The following ZBTB20 variants were observed in gnomAD, a reference collection of about 807,000 sequenced individuals.
ZBTB20 encodes the protein zinc finger and BTB domain-containing protein 20.
ZBTB20 carries 9 observed loss-of-function variants against 56.9 expected under a neutral mutation model. The observed-to-expected ratio is 0.16, with a 90% CI of 0.10 to 0.28. ZBTB20 has a LOEUF of 0.28. ZBTB20 is among the 10% of genes least tolerant of loss of function. ZBTB20 has a pLI of 1.00. For synonymous variants in ZBTB20, 417 were observed against 420.7 expected (o/e 0.99, Z 0.11); for missense variants, 655 against 1,003.0 (o/e 0.65, Z 4.69).
chr3:114,778,604 T>C (rs1354835192), intron 5 of ZBTB20, among the ~76,000 whole-genome samples: 1 of 152,044 alleles, frequency 6.6e-6, no homozygotes, highest in African/African-American at 2.4e-5. Flanking sequence ...AGACTACAGA[T>C]ACAGATAAAG....
chr3:115,143,987 T>C (rs1237494702), intron 1 of ZBTB20, among the ~76,000 whole-genome samples: 2 of 152,202 alleles, frequency 1.3e-5, no homozygotes, highest in African/African-American at 2.4e-5. Context: ...AAAGTGTGTG[T>C]GACATTAGAA....
intron 2 of ZBTB20, among the ~76,000 whole-genome samples, chr3:115,060,146 A>G (rs1022120177): frequency 6.6e-6 from 1 of 152,124 alleles, no homozygotes; most frequent in Non-Finnish European, 1.5e-5. Flanking sequence ...TTTAACACCC[A>G]TCTTCTTGAT....
intron 7 of ZBTB20, among the ~76,000 whole-genome samples, chr3:114,400,311 T>G: frequency 6.6e-6 from 1 of 152,216 alleles, no homozygotes. Flanking sequence ...AAAATGGTAT[T>G]GACAATAATG....
chr3:114,739,931 T>C (rs146239999), intron 5 of ZBTB20, among the ~76,000 whole-genome samples: 1 of 152,322 alleles, frequency 6.6e-6, no homozygotes, highest in Non-Finnish European at 1.5e-5. Flanking sequence ...TATGTACACA[T>C]GGTGTTTATC....
chr3:114,488,316 C>T (rs1271067886), intron 7 of ZBTB20, among the ~76,000 whole-genome samples: 1 of 152,178 alleles, frequency 6.6e-6, no homozygotes, highest in African/African-American at 2.4e-5. Flanking sequence ...TTAGACGGCT[C>T]ATTTGTCTTT....
chr3:114,987,223 T>C (rs1370133646), intron 2 of ZBTB20, among the ~76,000 whole-genome samples: 3 of 152,138 alleles, frequency 2.0e-5, no homozygotes, highest in African/African-American at 7.2e-5. Flanking sequence ...CCAGTAAAAG[T>C]AAACCTTGAG....
chr3:114,935,121 G>T (rs1024693972), intron 3 of ZBTB20, among the ~76,000 whole-genome samples: 10 of 152,150 alleles, frequency 6.6e-5, no homozygotes, highest in African/African-American at 2.4e-4. Context: ...CCTAGTCCTA[G>T]AATTTGTTCT....
chr3:114,754,706 T>C (rs141543846), intron 5 of ZBTB20, among the ~76,000 whole-genome samples: 36 of 152,290 alleles, frequency 2.4e-4, no homozygotes, highest in East Asian at 2.3e-3. Context: ...ACTTTGTATA[T>C]AGTAGTTCTT....
At chr3:114,354,563 G>GTT (rs59539017) in intron 10 of ZBTB20, among the ~76,000 whole-genome samples, 118 of 130,088 alleles carry the variant, frequency 9.1e-4, no homozygotes, top group Non-Finnish European at 1.1e-3. Flanking sequence ...TTCTGAACAG[G>GTT]TTTTTTTTTG....
Position 114,324,077 on chromosome 3 carries a change from C to T in ZBTB20, c.*14928G>A, listed in dbSNP as rs1203982450. ...CTTATGTGAGTCATCTCTTTTGTTG[C>T]TCCTGTTTGTTTCAGCTCAAAGTAG... On this transcript the variant is annotated 3_prime_UTR_variant, in exon 12 of 12. Transcript: ENST00000675478. The T allele has an allele frequency of 1.3e-5, 2 of 152,160 alleles. No individual in the cohort carries two copies. The highest frequency in any genetic ancestry group is 2.9e-5 in the Non-Finnish European group (2 of 68,036). The allele number at this position is 152,160 out of a possible 1,614,324, so 9.4% of individuals were successfully genotyped here. A position where few individuals can be genotyped will look rare whatever the true frequency, so the allele number is the denominator to read the frequency against.
At chr3:114,571,564 A>G (rs1201603052) in intron 6 of ZBTB20, among the ~76,000 whole-genome samples, 2 of 152,116 alleles carry the variant, frequency 1.3e-5, no homozygotes, top group Non-Finnish European at 2.9e-5. Context: ...ACAGAGTGGA[A>G]GCAGCAAGGC....
intron 6 of ZBTB20, among the ~76,000 whole-genome samples, chr3:114,673,801 T>C (rs1005625922): frequency 1.3e-4 from 20 of 152,184 alleles, no homozygotes; most frequent in African/African-American, 4.8e-4. Flanking sequence ...ACTATGCTTT[T>C]GCTTAGTTGA....
At chr3:114,718,334 A>G (rs1335419520) in intron 5 of ZBTB20, among the ~76,000 whole-genome samples, 1 of 152,154 alleles carries the variant, frequency 6.6e-6, no homozygotes, top group Non-Finnish European at 1.5e-5. Flanking sequence ...CCCTACCCAC[A>G]GCAAAAGCAT....
chr3:115,084,118 G>T (rs902446615), intron 1 of ZBTB20, among the ~76,000 whole-genome samples: 13 of 151,584 alleles, frequency 8.6e-5, no homozygotes, highest in Non-Finnish European at 1.3e-4. Context: ...ATGAGCAAGA[G>T]TTATTTCAAG....
intron 2 of ZBTB20, among the ~76,000 whole-genome samples, chr3:114,991,993 T>C (rs914493331): frequency 3.9e-5 from 6 of 152,196 alleles, no homozygotes; most frequent in East Asian, 3.9e-4. Context: ...TGAGCCTATG[T>C]GTCTATGCAC....
At chr3:114,521,996 C>T (rs548631580) in intron 6 of ZBTB20, among the ~76,000 whole-genome samples, 5 of 152,010 alleles carry the variant, frequency 3.3e-5, no homozygotes, top group Non-Finnish European at 5.9e-5. Flanking sequence ...GTACTAGGCA[C>T]TGAGGATTTC....
intron 5 of ZBTB20, among the ~76,000 whole-genome samples, chr3:114,763,183 G>A (rs1191395353): frequency 6.6e-6 from 1 of 152,048 alleles, no homozygotes; most frequent in Non-Finnish European, 1.5e-5. Context: ...AATATAATGG[G>A]CTGTATATTT....
intron 11 of ZBTB20, among the ~76,000 whole-genome samples, chr3:114,348,954 C>T (rs549418368): frequency 2.0e-5 from 3 of 152,040 alleles, no homozygotes; most frequent in Admixed American, 2.0e-4. Context: ...AATCTCATAA[C>T]TTTGGGAGGC....
intron 6 of ZBTB20, among the ~76,000 whole-genome samples, chr3:114,642,383 T>G (rs1422728750): frequency 6.6e-6 from 1 of 152,090 alleles, no homozygotes; most frequent in Non-Finnish European, 1.5e-5. Flanking sequence ...TACTTTGATG[T>G]TCTAGAATAT....
Sources: gnomAD v4.1 joint callset for allele counts (sites outside exome capture counted in the v4.1 genomes callset) on GRCh38, gnomAD v4.1.1 for gene constraint, MANE v1.5 for transcripts, NCBI Gene and HGNC (gene_info 2026-07-23, HGNC 2026-07-21) for gene names.